Variants in FARP1 observed in about 807,000 individuals in gnomAD.
FARP1 encodes FERM, ARHGEF and pleckstrin domain-containing protein 1.
A neutral mutation model predicts 128.8 loss-of-function variants in FARP1; 52 were observed. The ratio of observed to expected loss-of-function variants is 0.40; its 90% confidence interval spans 0.32 to 0.51. The LOEUF (loss-of-function observed/expected upper bound fraction) is 0.51. FARP1 is among the 20% of genes least tolerant of loss of function. The probability of loss-of-function intolerance (pLI) is 0.45; values close to 1 mark genes in which losing one functional copy is unlikely to be tolerated. For synonymous variants in FARP1, 580 were observed against 551.8 expected, an observed-to-expected ratio of 1.05 and a Z score of -0.72; for missense variants, 1,333 against 1,367.9, an observed-to-expected ratio of 0.97 and a Z score of 0.40.
At chr13:98,207,536 G>A (rs1446313585) in intron 1 of FARP1, among the ~76,000 whole-genome samples, 1 of 152,004 alleles carries the variant, frequency 6.6e-6, no homozygotes, top group Non-Finnish European at 1.5e-5. Context: ...CCTTCCTGCC[G>A]TCATCGGCTC....
At chr13:98,320,794 T>A (rs140238391) in intron 2 of FARP1, among the ~76,000 whole-genome samples, 77 of 152,306 alleles carry the variant, frequency 5.1e-4, no homozygotes, top group African/African-American at 1.8e-3. Flanking sequence ...TGGGTTGATA[T>A]GAGCTGCCAG....
At chr13:98,268,541 C>T (rs957013218) in intron 2 of FARP1, among the ~76,000 whole-genome samples, 1 of 152,182 alleles carries the variant, frequency 6.6e-6, no homozygotes, top group Admixed American at 6.5e-5. Flanking sequence ...GATCTCAGCT[C>T]ACTGCAACCT....
chr13:98,269,027 C>G (rs1377761516), intron 2 of FARP1, among the ~76,000 whole-genome samples: 2 of 152,152 alleles, frequency 1.3e-5, no homozygotes, highest in Non-Finnish European at 2.9e-5. Context: ...CCATCATGCC[C>G]AGCCTCTCCC....
At chr13:98,298,523 C>G (rs1238555350) in intron 2 of FARP1, among the ~76,000 whole-genome samples, 1 of 152,122 alleles carries the variant, frequency 6.6e-6, no homozygotes, top group African/African-American at 2.4e-5. Context: ...AAGCAATCAG[C>G]TTAATTTTTT....
chr13:98,448,489 G>A lies in FARP1; in HGVS notation c.*172G>A. ...TTTTAACCCCGACCTCTCAGCGTCT[G>A]AATGAACAGCGCTCCCACCTCCAGT... On this transcript the variant is annotated 3_prime_UTR_variant, in exon 27 of 27. Transcript: ENST00000319562. The A allele has an allele frequency of 1.7e-6, 1 of 604,990 alleles. No homozygotes were observed. Among genetic ancestry groups the A allele is most frequent in the South Asian group, 2.0e-5 (1 of 50,558 alleles). The allele number at this position is 604,990 out of a possible 1,614,324, so 37.5% of individuals were successfully genotyped here.
intron 2 of FARP1, among the ~76,000 whole-genome samples, chr13:98,337,243 C>T (rs1272903158): frequency 3.9e-5 from 6 of 152,082 alleles, no homozygotes; most frequent in East Asian, 1.9e-4. Flanking sequence ...TGCGGTTTTG[C>T]GCTCCTGTAG....
At chr13:98,295,032 A>T (rs1024936834) in intron 2 of FARP1, among the ~76,000 whole-genome samples, 1 of 146,568 alleles carries the variant, frequency 6.8e-6, no homozygotes. Context: ...AAAAAAAATT[A>T]TATATATATA....
At chr13:98,275,343 GAGA>G (rs1884588041) in intron 2 of FARP1, among the ~76,000 whole-genome samples, 1 of 128,156 alleles carries the variant, frequency 7.8e-6, no homozygotes, top group Admixed American at 7.8e-5. Context: ...TAAGGAGAGA[GAGA>G]GAGAGAGAGA....
At position 98,379,114 on chromosome 13, in the gene FARP1, C is replaced by A. The variant is rs796992650; in HGVS notation, c.496+1196C>A. Among the ~76,000 whole-genome samples the A allele has an allele frequency of 8.4e-4, 43 of 51,330 alleles. 1 individual carries two copies. The highest frequency in any genetic ancestry group is 9.9e-4 in the East Asian group (2 of 2,024). 33.7% of individuals were successfully genotyped at this position (51,330 alleles called of 152,430 possible). ...ATATAATATATATATAATATATAATCTATATATAATATATATATAATATAT... is the reference window on the plus strand; with the variant it reads ...ATATAATATATATATAATATATAATATATATATAATATATATATAATATAT... On this transcript the variant is annotated intron_variant, in intron 6 of 26. Coordinates refer to ENST00000319562, the MANE Select transcript of FARP1 (RefSeq NM_005766.4).
rs1893325760 is a variant in FARP1 at position 98,453,950 on chromosome 13, A to C, written c.*5633A>C. On this transcript the variant is annotated 3_prime_UTR_variant, in exon 27 of 27. Transcript: ENST00000319562. ...ATCCGCATTATACTTACCAGTGTGC[A>C]GCCCCAAATCCGAAATCTGACATGC... The C allele has an allele frequency of 1.3e-5, 2 of 152,194 alleles. No homozygotes were observed. Among genetic ancestry groups the C allele is most frequent in the African/African-American group, 4.8e-5 (2 of 41,440 alleles). 9.4% of individuals were successfully genotyped at this position (152,194 alleles called of 1,614,324 possible).
chr13:98,153,399 T>C (rs1876200900), intron 1 of FARP1, among the ~76,000 whole-genome samples: 1 of 84,952 alleles, frequency 1.2e-5, no homozygotes, highest in East Asian at 4.5e-4. Flanking sequence ...AATAATACAT[T>C]ATATATAAAT....
chr13:98,212,769 G>A (rs1880811298), intron 1 of FARP1, among the ~76,000 whole-genome samples: 1 of 152,098 alleles, frequency 6.6e-6, no homozygotes, highest in Non-Finnish European at 1.5e-5. Flanking sequence ...CAGATTATTA[G>A]CCCGAGCTCT....
chr13:98,291,817 T>A (rs1885460256), intron 2 of FARP1, among the ~76,000 whole-genome samples: 1 of 152,224 alleles, frequency 6.6e-6, no homozygotes, highest in African/African-American at 2.4e-5. Flanking sequence ...TCTCTCTTGG[T>A]CATTCAAAGA....
At chr13:98,430,946 A>T in intron 17 of FARP1, 97 bp from the exon 18 acceptor site, 2 of 696,656 alleles carry the variant, frequency 2.9e-6, no homozygotes, top group South Asian at 1.8e-5. Context: ...TGAAATAGAG[A>T]GTGCAGGAGC....
chr13:98,272,658 T>C (rs1321996868), intron 2 of FARP1, among the ~76,000 whole-genome samples: 30 of 152,120 alleles, frequency 2.0e-4, no homozygotes, highest in Admixed American at 2.0e-3. Context: ...TCCTGAAAGA[T>C]TGGGAGTTTG....
chr13:98,215,792 T>C (rs1253906370), intron 2 of FARP1, among the ~76,000 whole-genome samples: 3 of 151,922 alleles, frequency 2.0e-5, no homozygotes, highest in Non-Finnish European at 4.4e-5. Context: ...TATTTTTCTT[T>C]TTCTCTTTTT....
intron 1 of FARP1, among the ~76,000 whole-genome samples, chr13:98,145,835 C>G (rs1406761184): frequency 7.0e-6 from 1 of 143,478 alleles, no homozygotes. Flanking sequence ...GCACTCCAGC[C>G]TGGGCAACAG....
At chr13:98,234,404 TATCTA>T (rs1018689801) in intron 2 of FARP1, 1 of 152,244 alleles carries the variant, frequency 6.6e-6, no homozygotes, top group African/African-American at 2.4e-5. Context: ...GACTTTTTCT[TATCTA>T]AGCCAGTTTA....
At chr13:98,375,745 C>T (rs1032311867) in intron 5 of FARP1, among the ~76,000 whole-genome samples, 3 of 152,156 alleles carry the variant, frequency 2.0e-5, no homozygotes, top group Non-Finnish European at 4.4e-5. Context: ...TCTTCTGCCT[C>T]AGCCTCCCGA....
Sources: gnomAD v4.1 joint callset for allele counts (sites outside exome capture counted in the v4.1 genomes callset) on GRCh38, gnomAD v4.1.1 for gene constraint, MANE v1.5 for transcripts, NCBI Gene and HGNC (gene_info 2026-07-23, HGNC 2026-07-21) for gene names.